The following CEP95 variants were observed in gnomAD, a reference collection of about 807,000 sequenced individuals.
The protein encoded by CEP95 is centrosomal protein 95.
CEP95 carries 98 observed loss-of-function variants against 111.2 expected under a neutral mutation model. That is an observed-to-expected ratio of 0.88 (90% CI 0.75 to 1.04). CEP95 has a LOEUF of 1.04. Ranked by LOEUF, CEP95 falls within the 50% of genes least tolerant of loss-of-function variation. The pLI is 0.00. For missense variants in CEP95, 1,027 were observed against 977.2 expected (o/e 1.05, Z -0.68); for synonymous variants, 323 against 327.1 (o/e 0.99, Z 0.14).
chr17:64,521,270 T>C, intron 6 of CEP95, 132 bp from the exon 7 acceptor site: 2 of 642,844 alleles, frequency 3.1e-6, no homozygotes, highest in South Asian at 4.2e-5. Flanking sequence ...TTTTGAGCAG[T>C]TGGACCAACA....
At chr17:64,529,264 T>C (rs1555679730) in intron 11 of CEP95, 24 bp from the exon 12 acceptor site, 5 of 1,597,632 alleles carry the variant, frequency 3.1e-6, no homozygotes, top group Non-Finnish European at 4.3e-6. Flanking sequence ...GGAACTAATG[T>C]TATATGTCTT....
intron 2 of CEP95, among the ~76,000 whole-genome samples, chr17:64,509,821 A>G (rs770189088): frequency 6.6e-6 from 1 of 151,952 alleles, no homozygotes; most frequent in Non-Finnish European, 1.5e-5. Flanking sequence ...TTATTAGACT[A>G]TTAGCTGTCT....
intron 1 of CEP95, chr17:64,507,891 T>C (rs3169941): frequency 2.0e-6 from 2 of 985,336 alleles, no homozygotes; most frequent in Non-Finnish European, 2.4e-6. Context: ...TTACTTTTGG[T>C]ACAGAAACCG....
At chr17:64,519,089 A>C (rs1403138742) in intron 5 of CEP95, among the ~76,000 whole-genome samples, 1 of 152,132 alleles carries the variant, frequency 6.6e-6, no homozygotes, top group Non-Finnish European at 1.5e-5. Flanking sequence ...TCACTCCCAC[A>C]CCCTAGAGTC....
At chr17:64,534,784 T>G in intron 17 of CEP95, 47 bp downstream of exon 17, 1 of 1,584,098 alleles carries the variant, frequency 6.3e-7, no homozygotes, top group Non-Finnish European at 8.6e-7. Flanking sequence ...GTGAACTTTG[T>G]TATCTTTCAG....
At chr17:64,532,065 T>C (rs1968318838) in intron 14 of CEP95, 43 bp downstream of exon 14, 2 of 1,502,738 alleles carry the variant, frequency 1.3e-6, no homozygotes, top group South Asian at 2.8e-5. Context: ...CTGGCAACCT[T>C]TGAAAGCATG....
At chr17:64,523,486 T>C (rs1967534099) in intron 8 of CEP95, among the ~76,000 whole-genome samples, 1 of 152,156 alleles carries the variant, frequency 6.6e-6, no homozygotes, top group East Asian at 1.9e-4. Context: ...TGTTAACATA[T>C]TGATCTATTT....
At chr17:64,508,232 CTG>C (rs1459418677) in intron 1 of CEP95, 6 of 984,928 alleles carry the variant, frequency 6.1e-6, no homozygotes, top group African/African-American at 3.5e-5. Flanking sequence ...TATCATTAAA[CTG>C]TTGTTTATGA....
At chr17:64,534,945 A>T (rs1968549759) in intron 17 of CEP95, 1 of 546,396 alleles carries the variant, frequency 1.8e-6, no homozygotes, top group African/African-American at 1.9e-5. Flanking sequence ...CGTGTCCCTC[A>T]TCTTAATGTG....
At chr17:64,529,465 C>CA (rs781881643) in intron 12 of CEP95, 38 bp downstream of exon 12, 1 of 1,604,166 alleles carries the variant, frequency 6.2e-7, no homozygotes, top group Non-Finnish European at 8.5e-7. Flanking sequence ...AAGCAGCAGC[C>CA]AGTACCATTT....
intron 8 of CEP95, among the ~76,000 whole-genome samples, chr17:64,523,690 C>T (rs1967560881): frequency 6.6e-6 from 1 of 152,084 alleles, no homozygotes; most frequent in African/African-American, 2.4e-5. Context: ...CATGTGAGTG[C>T]CAGAGTTTGA....
rs1968530872 is a variant in CEP95 at position 64,534,707 on chromosome 17, A to C, written c.2040A>C (p.Lys680Asn). 6.2e-7 allele frequency: 1 copy of C among 1,612,838 alleles called. No homozygotes were observed. The highest frequency in any genetic ancestry group is 8.5e-7 in the Non-Finnish European group (1 of 1,179,354). ...ATTATAGAGTTCAGTTGTGTGCAAA[A>C]ATGATGAGAATGAGGACCCGGGAAG... The part of the protein sequence containing the change: ...YDDYRVQLCA[K>N]MMRMRTREEM... Residue 680 changes from lysine (K) to asparagine (N), a missense_variant, in exon 17 of 20, where the codon AAA (lysine) becomes AAC (asparagine). By Grantham distance (94) the Lys-to-Asn change is moderately conservative (BLOSUM62 0). Coordinates refer to ENST00000556440, the MANE Select transcript of CEP95 (RefSeq NM_138363.3).
At chr17:64,514,972 T>C (rs1462362149) in intron 4 of CEP95, among the ~76,000 whole-genome samples, 1 of 145,804 alleles carries the variant, frequency 6.9e-6, no homozygotes, top group Non-Finnish European at 1.5e-5. Flanking sequence ...AGACAAAAAA[T>C]TGGGGTAGGC....
chr17:64,523,033 A>G (rs1368244550), intron 8 of CEP95, 138 bp downstream of exon 8: 5 of 686,632 alleles, frequency 7.3e-6, no homozygotes, highest in South Asian at 4.0e-5. Context: ...GGAAGCCCCT[A>G]TATTTAAAGA....
Position 64,529,354 on chromosome 17 carries a change from A to C in CEP95, c.1373A>C (p.His458Pro). ...HSLSPSPVNK[H>P]KQFHLERKRQ... ...CTCTCTCCATCTCCAGTTAACAAACACAAACAGTTCCACTTGGAGAGAAAA... is the reference window on the plus strand; with the variant it reads ...CTCTCTCCATCTCCAGTTAACAAACCCAAACAGTTCCACTTGGAGAGAAAA... Residue 458 changes from histidine (H) to proline (P), a missense_variant, in exon 12 of 20, where the codon CAC becomes CCC. Coordinates refer to ENST00000556440, the MANE Select transcript of CEP95 (RefSeq NM_138363.3). 6.2e-7 allele frequency: 1 copy of C among 1,613,880 alleles called. No homozygotes were observed. Among genetic ancestry groups the C allele is most frequent in the Non-Finnish European group, 8.5e-7 (1 of 1,179,832 alleles).
intron 16 of CEP95, 177 bp from the exon 17 acceptor site, chr17:64,534,408 C>T: frequency 1.7e-6 from 1 of 572,030 alleles, no homozygotes; most frequent in Non-Finnish European, 3.1e-6. Context: ...ATTGGAGCTG[C>T]TCTTCAGATT....
chr17:64,534,675 T>TA lies in CEP95; in HGVS notation c.2009dup (p.Tyr670Ter), dbSNP rs1968527675. 6.2e-7 allele frequency: 1 copy of TA among 1,612,800 alleles called. No homozygotes were observed. The change falls in exon 17 of 20, where the codon TAT becomes TAAT. Residue 670 changes from tyrosine (Y) to a stop codon, truncating the protein, a stop_gained and frameshift_variant. Transcript: ENST00000556440. LOFTEE classifies it high-confidence loss of function. The part of the protein sequence containing the change: ...RQQIVRARKY[Y>*]DDYRVQLCAK... ...GCAAATCGTTCGTGCTCGAAAATAT[T>TA]ATGATGATTATAGAGTTCAGTTGTG... is the stretch of plus-strand genomic sequence containing the variant.
intron 12 of CEP95, 139 bp from the exon 13 acceptor site, chr17:64,530,784 CTTG>C (rs1202533408): frequency 1.9e-6 from 1 of 515,402 alleles, no homozygotes; most frequent in Non-Finnish European, 3.4e-6. Flanking sequence ...CGGCTAAGAG[CTTG>C]GATGCTCGGT....
chr17:64,507,231 C>G (rs2038595760), intron 1 of CEP95, 115 bp downstream of exon 1: 1 of 1,523,510 alleles, frequency 6.6e-7, no homozygotes, highest in African/African-American at 1.4e-5. Context: ...GACCTTCAGA[C>G]GCCGCGTCGC....
Sources: gnomAD v4.1 joint callset for allele counts (sites outside exome capture counted in the v4.1 genomes callset) on GRCh38, gnomAD v4.1.1 for gene constraint, MANE v1.5 for transcripts, NCBI Gene and HGNC (gene_info 2026-07-23, HGNC 2026-07-21) for gene names.